Variants in NEK8 observed in about 807,000 individuals in gnomAD.
NEK8 encodes NIMA related kinase 8.
NEK8 carries 51 observed loss-of-function variants against 77.2 expected under a neutral mutation model. That is an observed-to-expected ratio of 0.66 (90% CI 0.53 to 0.83). The LOEUF (loss-of-function observed/expected upper bound fraction) is 0.83, where lower values mean the gene tolerates loss of function less well. NEK8 is among the 40% of genes least tolerant of loss of function. The pLI, the probability that NEK8 is intolerant of heterozygous loss-of-function variation, is 0.00. For missense variants in NEK8, 787 were observed against 909.2 expected (o/e 0.87, Z 1.73); for synonymous variants, 365 against 363.2 (o/e 1.00, Z -0.06).
At chr17:28,732,004 C>G (rs966995214) in intron 1 of NEK8, among the ~76,000 whole-genome samples, 4 of 137,016 alleles carry the variant, frequency 2.9e-5, no homozygotes, top group African/African-American at 1.1e-4. Flanking sequence ...AATCTAGGCT[C>G]ACTGCAAGCT....
In NEK8 at chr17:28,740,885, G is replaced by A. The variant is rs766110309; in HGVS notation, c.1632G>A (p.Val544=). Residue 544 remains valine, a synonymous_variant, in exon 12 of 15, where the codon GTG becomes GTA. Transcript: ENST00000268766. The surrounding 1 kb of genome is among the most constrained non-coding windows in gnomAD (Gnocchi z 4.7). ...LGEEPVPHQQ[V]EEALSFTLLG... is the part of the protein sequence containing the mutation. ...AGGAGCCTGTCCCCCACCAGCAAGT[G>A]GAGGAGGCCCTGAGCTTCACACTAC... The A allele has an allele frequency of 1.9e-6, 3 of 1,614,044 alleles. No homozygotes were observed. Among genetic ancestry groups the A allele is most frequent in the Non-Finnish European group, 2.5e-6 (3 of 1,180,038 alleles).
chr17:28,734,166 G>A lies in NEK8; in HGVS notation c.231G>A (p.Met77Ile), dbSNP rs2034337783. 1 of 1,614,204 alleles carries A rather than the reference G, an allele frequency of 6.2e-7. No homozygotes were observed. The highest frequency in any genetic ancestry group is 8.5e-7 in the Non-Finnish European group (1 of 1,180,040). The change falls in exon 2 of 15, where the codon ATG becomes ATA. Residue 77 changes from methionine to isoleucine, a missense_variant. Around this residue, in one of 2 missense-constraint regions of NEK8, gnomAD observed 271 missense variants for 365.1 expected, o/e 0.74. Coordinates refer to ENST00000268766, the MANE Select transcript of NEK8 (RefSeq NM_178170.3). ...YENFLEDKAL[M>I]IAMEYAPGGT... ...ACTTCCTGGAAGACAAAGCCCTTAT[G>A]ATCGCCATGGAATATGCACCAGGTG...
Position 28,733,851 on chromosome 17 carries a change from G to C in NEK8, c.48-132G>C, listed in dbSNP as rs944429514. ...TCCCTGTTCCCAAGTTCAGTGTTCT[G>C]TGCGCTTGGTTAGATGACCTCTCAG... On this transcript the variant is annotated intron_variant, in intron 1 of 14. Coordinates refer to ENST00000268766, the MANE Select transcript of NEK8 (RefSeq NM_178170.3). The C allele has an allele frequency of 6.7e-6, 5 of 745,944 alleles. No homozygotes were observed. The African/African-American group carries it at 6.9e-5, about 10-fold the overall frequency. The allele number at this position is 745,944 out of a possible 1,614,324, so 46.2% of individuals were successfully genotyped here.
chr17:28,738,816 C>T, intron 9 of NEK8, 69 bp downstream of exon 9: 1 of 1,287,112 alleles, frequency 7.8e-7, no homozygotes, highest in Non-Finnish European at 1.1e-6. Context: ...TGTGAGTTGA[C>T]ACCAGATTGG....
At chr17:28,736,464 A>C (rs139088512) in intron 4 of NEK8, among the ~76,000 whole-genome samples, 230 of 152,332 alleles carry the variant, frequency 1.5e-3, no homozygotes, top group Admixed American at 3.1e-3. Context: ...AAAGATCACC[A>C]TTCTAACTGG....
In NEK8 at chr17:28,740,567, A is replaced by G. The variant is rs2034410478; in HGVS notation, c.1522A>G (p.Met508Val). The G allele has an allele frequency of 1.9e-6, 3 of 1,614,188 alleles. No homozygotes were observed. The highest frequency in any genetic ancestry group is 2.2e-5 in the East Asian group (1 of 44,882). The change falls in exon 11 of 15, where the codon ATG becomes GTG. Residue 508 changes from methionine to valine, a missense_variant. Transcript: ENST00000268766. The surrounding 1 kb of genome is among the most constrained non-coding windows in gnomAD (Gnocchi z 4.7). Reference protein sequence around the residue: ...QRVVCGIDSSMILTVPGQALA... With the variant: ...QRVVCGIDSSVILTVPGQALA... ...AGTTGTATGTGGTATCGATTCCTCC[A>G]TGATCCTCACTGTGCCTGGCCAAGC...
chr17:28,737,440 C>T lies in NEK8; in HGVS notation c.753C>T (p.His251=). 6.2e-7 allele frequency: 1 copy of T among 1,613,332 alleles called. No homozygotes were observed. The highest frequency in any genetic ancestry group is 8.5e-7 in the Non-Finnish European group (1 of 1,180,030). The change falls in exon 5 of 15, where the codon CAC becomes CAT. Residue 251 remains histidine, a synonymous_variant. Transcript: ENST00000268766. This position sits in a 1 kb window ranked among gnomAD's most constrained non-coding sequence, Gnocchi z 4.8. ...CTGCCCAGCGGCCACCACTCAGCCACATCATGGCACAGCCCCTCTGCATCC... is the reference window on the plus strand; with the variant it reads ...CTGCCCAGCGGCCACCACTCAGCCATATCATGGCACAGCCCCTCTGCATCC... ...LEPAQRPPLS[H]IMAQPLCIRA...
chr17:28,741,213 C>A lies in NEK8; in HGVS notation c.1868C>A (p.Ala623Asp), dbSNP rs894294951. The change falls in exon 13 of 15, where the codon GCC (alanine) becomes GAC (aspartate). Residue 623 changes from alanine to aspartate, a missense_variant. Physicochemically the swap from Ala to Asp is moderately radical, Grantham distance 126 (BLOSUM62 -2). This residue lies in a region of NEK8 where 516 missense variants were observed against 544.0 expected (regional missense o/e 0.95). Coordinates refer to ENST00000268766, the MANE Select transcript of NEK8 (RefSeq NM_178170.3). The surrounding 1 kb of genome is among the most constrained non-coding windows in gnomAD (Gnocchi z 4.5). ...ATGGCAATGGTAGCCTGTGGGGATGCCTTCACTGTAGCTATTGGGGCAGGT... is the reference window on the plus strand; with the variant it reads ...ATGGCAATGGTAGCCTGTGGGGATGACTTCACTGTAGCTATTGGGGCAGGT... ...IKMAMVACGD[A>D]FTVAIGAESE... 1 of 1,610,398 alleles carries A rather than the reference C, an allele frequency of 6.2e-7. No homozygotes were observed.
rs2034427341 is a variant in NEK8, at chr17:28,741,947, G to C, written c.2051-12G>C. 6.2e-7 allele frequency: 1 copy of C among 1,613,984 alleles called. No individual in the cohort carries two copies. Among genetic ancestry groups the C allele is most frequent in the Non-Finnish European group, 8.5e-7 (1 of 1,179,952 alleles). Reference sequence around the variant, plus strand: ...TCAGAAGCTGCAAGGGTTTCTCTTCGGTACCCTCCAGCGGTCACAGATGAG... The same window carrying C: ...TCAGAAGCTGCAAGGGTTTCTCTTCCGTACCCTCCAGCGGTCACAGATGAG... On this transcript the variant is annotated splice_polypyrimidine_tract_variant and intron_variant, in intron 14 of 14. Coordinates refer to ENST00000268766, the MANE Select transcript of NEK8 (RefSeq NM_178170.3). The surrounding 1 kb of genome is among the most constrained non-coding windows in gnomAD (Gnocchi z 4.5).
At chr17:28,734,437 A>G (rs567555898) in intron 2 of NEK8, 10 of 576,710 alleles carry the variant, frequency 1.7e-5, no homozygotes, top group African/African-American at 9.4e-5. Flanking sequence ...TGGGAGGCCA[A>G]CGCCGAGGCG....
chr17:28,740,817 C>T lies in NEK8; in HGVS notation c.1569-5C>T, dbSNP rs763384477. On this transcript the variant is annotated splice_region_variant and splice_polypyrimidine_tract_variant and intron_variant, in intron 11 of 14. Coordinates refer to ENST00000268766, the MANE Select transcript of NEK8 (RefSeq NM_178170.3). This position sits in a 1 kb window ranked among gnomAD's most constrained non-coding sequence, Gnocchi z 4.7. Reference sequence around the variant, plus strand: ...GTTGGATTTGGCTTCTGGCTCTGCCCTCAGGTTCAACAAGCTGGGCCTGGA... The same window carrying T: ...GTTGGATTTGGCTTCTGGCTCTGCCTTCAGGTTCAACAAGCTGGGCCTGGA... 1.2e-6 allele frequency: 2 copies of T among 1,613,400 alleles called. No individual in the cohort carries two copies. The highest frequency in any genetic ancestry group is 2.7e-5 in the African/African-American group (2 of 74,924).
In NEK8 at chr17:28,741,445, CG is replaced by C. The variant is rs2034421575; in HGVS notation, c.1925del (p.Arg642GlnfsTer27). The C allele has an allele frequency of 6.2e-7, 1 of 1,613,932 alleles. No homozygotes were observed. Among genetic ancestry groups the C allele is most frequent in the African/African-American group, 1.3e-5 (1 of 74,866 alleles). ...SEVYSWGKGA[R>X]GRLGRRDEDA... ...AGTGTACTCTTGGGGCAAAGGGGCG[CG>C]AGGTCGATTGGGAAGGAGGGATGAG... On this transcript the variant is annotated frameshift_variant, in exon 14 of 15. Transcript: ENST00000268766. LOFTEE classifies it high-confidence loss of function. This position sits in a 1 kb window ranked among gnomAD's most constrained non-coding sequence, Gnocchi z 4.5.
Position 28,737,557 on chromosome 17 carries a change from G to C in NEK8, c.827+43G>C. On this transcript the variant is annotated intron_variant, in intron 5 of 14. Transcript: ENST00000268766. The surrounding 1 kb of genome is among the most constrained non-coding windows in gnomAD (Gnocchi z 4.8). Reference sequence around the variant, plus strand: ...GAGCGGTCCTGGGCGGCAGGGTGTGGGCACCCAGTGGGAGCACAGGAGGTC... The same window carrying C: ...GAGCGGTCCTGGGCGGCAGGGTGTGCGCACCCAGTGGGAGCACAGGAGGTC... 6.2e-7 allele frequency: 1 copy of C among 1,612,708 alleles called. No homozygotes were observed. Among genetic ancestry groups the C allele is most frequent in the Non-Finnish European group, 8.5e-7 (1 of 1,179,426 alleles).
In NEK8 at chr17:28,741,347, G is replaced by A; in HGVS notation, c.1892-66G>A. ...CTCCCAGGGGCCATCCTGGCAATGTGGGAGGGGAGATCCTGCTCGGGCTGT... is the reference window on the plus strand; with the variant it reads ...CTCCCAGGGGCCATCCTGGCAATGTAGGAGGGGAGATCCTGCTCGGGCTGT... On this transcript the variant is annotated intron_variant, in intron 13 of 14. Coordinates refer to ENST00000268766, the MANE Select transcript of NEK8 (RefSeq NM_178170.3). This position sits in a 1 kb window ranked among gnomAD's most constrained non-coding sequence, Gnocchi z 4.5. 1 of 1,601,838 alleles carries A rather than the reference G, an allele frequency of 6.2e-7. No homozygotes were observed. Among genetic ancestry groups the A allele is most frequent in the Non-Finnish European group, 8.5e-7 (1 of 1,173,460 alleles).
chr17:28,741,859 G>A lies in NEK8; in HGVS notation c.2051-100G>A, dbSNP rs2034426385. The A allele has an allele frequency of 1.0e-5, 13 of 1,275,074 alleles. No individual in the cohort carries two copies. Among genetic ancestry groups the A allele is most frequent in the Non-Finnish European group, 1.5e-5 (13 of 870,880 alleles). 79.0% of individuals were successfully genotyped at this position (1,275,074 alleles called of 1,614,324 possible). Reference sequence around the variant, plus strand: ...CTGAAACTCTCTTTCTGGCCTAACAGGGTCCAGAATCCAGGGCCCAGTGGG... The same window carrying A: ...CTGAAACTCTCTTTCTGGCCTAACAAGGTCCAGAATCCAGGGCCCAGTGGG... On this transcript the variant is annotated intron_variant, in intron 14 of 14. Transcript: ENST00000268766. The surrounding 1 kb of genome is among the most constrained non-coding windows in gnomAD (Gnocchi z 4.5).
At chr17:28,738,042 G>A in intron 7 of NEK8, 42 bp downstream of exon 7, 1 of 1,612,836 alleles carries the variant, frequency 6.2e-7, no homozygotes, top group Non-Finnish European at 8.5e-7. Context: ...GGAGGTGGAG[G>A]TCCACAGCAG....
chr17:28,731,410 G>A (rs866003379), intron 1 of NEK8, among the ~76,000 whole-genome samples: 3 of 151,356 alleles, frequency 2.0e-5, no homozygotes, highest in Admixed American at 6.6e-5. Context: ...TGGGTGGCAC[G>A]CGCCTGTAGT....
chr17:28,741,671 T>C lies in NEK8; in HGVS notation c.2050+100T>C, dbSNP rs1014411860. On this transcript the variant is annotated intron_variant, in intron 14 of 14. Coordinates refer to ENST00000268766, the MANE Select transcript of NEK8 (RefSeq NM_178170.3). The surrounding 1 kb of genome is among the most constrained non-coding windows in gnomAD (Gnocchi z 4.5). Reference sequence around the variant, plus strand: ...AGATGGCCACATCACCAAAAGCATCTTTAGCCCCCAGATAAAAAAAGCAGA... The same window carrying C: ...AGATGGCCACATCACCAAAAGCATCCTTAGCCCCCAGATAAAAAAAGCAGA... 56 of 1,363,964 alleles carry C rather than the reference T, an allele frequency of 4.1e-5. No individual in the cohort carries two copies. The highest frequency in any genetic ancestry group is 5.3e-5 in the Non-Finnish European group (51 of 957,754). The allele number at this position is 1,363,964 out of a possible 1,614,324, so 84.5% of individuals were successfully genotyped here.
At chr17:28,734,686 CAAA>C in intron 2 of NEK8, 83 bp from the exon 3 acceptor site, 3 of 792,682 alleles carry the variant, frequency 3.8e-6, no homozygotes, top group Non-Finnish European at 2.0e-6. Context: ...GACTCCATCT[CAAA>C]AAAAAAAAAC....
Sources: gnomAD v4.1 joint callset for allele counts (sites outside exome capture counted in the v4.1 genomes callset) on GRCh38, gnomAD v4.1.1 for gene constraint, gnomAD v4.1.1 regional missense constraint, Gnocchi (gnomAD v3.1) non-coding constraint, MANE v1.5 for transcripts, NCBI Gene and HGNC (gene_info 2026-07-23, HGNC 2026-07-21) for gene names.